RFX4: variants seen among roughly 807,000 people sequenced by gnomAD.
RFX4 encodes transcription factor RFX4.
RFX4 carries 10 observed loss-of-function variants against 95.0 expected under a neutral mutation model. The observed-to-expected ratio is 0.11, with a 90% CI of 0.06 to 0.18. RFX4 has a LOEUF of 0.18. Ranked by LOEUF, RFX4 falls within the 10% of genes least tolerant of loss-of-function variation. RFX4 has a pLI of 1.00. For synonymous variants in RFX4, 321 were observed against 340.7 expected (o/e 0.94, Z 0.64); for missense variants, 640 against 922.0 (o/e 0.69, Z 3.96).
Position 106,583,337 on chromosome 12 carries a change from T to G in RFX4, c.17T>G (p.Leu6Arg). Residue 6 changes from leucine (L) to arginine (R), a missense_variant, in exon 1 of 18, where the codon CTG (leucine) becomes CGG (arginine). By Grantham distance (102) the Leu-to-Arg change is moderately radical. Coordinates refer to ENST00000392842, the MANE Select transcript of RFX4 (RefSeq NM_213594.3). The stretch of plus-strand genomic sequence containing the variant: ...GGGAAGAGCATGCATTGTGGGTTAC[T>G]GGAGGAACCCGACATGGATTCCACA... MHCGL[L>R]EEPDMDSTES... 6.3e-7 allele frequency: 1 copy of G among 1,586,830 alleles called. No homozygotes were observed. Among genetic ancestry groups the G allele is most frequent in the Non-Finnish European group, 8.5e-7 (1 of 1,170,552 alleles).
At chr12:106,669,837 G>T (rs1438046872) in intron 4 of RFX4, among the ~76,000 whole-genome samples, 1 of 54,528 alleles carries the variant, frequency 1.8e-5, no homozygotes, top group Admixed American at 2.1e-4. Context: ...GTTTTTTCTA[G>T]GGGTGTGTGT....
intron 1 of RFX4, among the ~76,000 whole-genome samples, chr12:106,608,038 C>A (rs2039874330): frequency 1.3e-5 from 2 of 152,208 alleles, no homozygotes; most frequent in Non-Finnish European, 2.9e-5. Flanking sequence ...ACTAAAAATA[C>A]AAAAATTAGC....
At chr12:106,597,882 G>A (rs2039644787) in intron 1 of RFX4, among the ~76,000 whole-genome samples, 1 of 152,088 alleles carries the variant, frequency 6.6e-6, no homozygotes, top group South Asian at 2.1e-4. Flanking sequence ...GTTGGGATGG[G>A]GGTGCAAAAA....
At chr12:106,696,860 A>C (rs2041889713) in intron 8 of RFX4, among the ~76,000 whole-genome samples, 1 of 152,176 alleles carries the variant, frequency 6.6e-6, no homozygotes, top group Non-Finnish European at 1.5e-5. Context: ...CCTTGCTGTA[A>C]AACAAAACAA....
rs547859317 is a variant in RFX4, at chr12:106,709,028, T to C, written c.834-302T>C. ...GCCCACGGCCCACTGTCTTCACCCC[T>C]CACACAAGCTCTTCAAAAGCATGAA... On this transcript the variant is annotated intron_variant, in intron 8 of 17. Transcript: ENST00000392842. 2.0e-5 allele frequency among the ~76,000 whole-genome samples: 3 copies of C among 152,284 alleles called. No individual in the cohort carries two copies. In the South Asian group the frequency reaches 6.2e-4, roughly 32 times the overall value.
chr12:106,609,742 G>A (rs554001657), intron 2 of RFX4, among the ~76,000 whole-genome samples: 1 of 149,308 alleles, frequency 6.7e-6, no homozygotes. Flanking sequence ...GTTTGATGGG[G>A]TTTTTTTTTT....
chr12:106,735,058 A>G (rs551047365), intron 15 of RFX4, among the ~76,000 whole-genome samples: 57 of 151,698 alleles, frequency 3.8e-4, no homozygotes, highest in Middle Eastern at 3.4e-3. Context: ...AAAAAAAAAA[A>G]AAGAAGAAGA....
At chr12:106,689,208 T>G in intron 6 of RFX4, 79 bp from the exon 7 acceptor site, 1 of 1,236,458 alleles carries the variant, frequency 8.1e-7, no homozygotes, top group Non-Finnish European at 1.2e-6. Flanking sequence ...AGAAATGACT[T>G]AAAAACTGAA....
At chr12:106,708,172 A>G (rs987493738) in intron 8 of RFX4, among the ~76,000 whole-genome samples, 2 of 152,190 alleles carry the variant, frequency 1.3e-5, no homozygotes, top group Admixed American at 6.5e-5. Context: ...TAGAGAAGAA[A>G]AAGCTGAATA....
chr12:106,673,930 C>T (rs1051042956), intron 4 of RFX4, among the ~76,000 whole-genome samples: 4 of 152,200 alleles, frequency 2.6e-5, no homozygotes, highest in African/African-American at 9.7e-5. Flanking sequence ...CAGTTCTCCA[C>T]ACAGCAGCCA....
chr12:106,617,264 T>G (rs1468945005), intron 2 of RFX4, among the ~76,000 whole-genome samples: 1 of 152,212 alleles, frequency 6.6e-6, no homozygotes, highest in Non-Finnish European at 1.5e-5. Flanking sequence ...GCTCTTATTT[T>G]TCTTTCTTCC....
At chr12:106,641,189 C>T (rs1260362002) in intron 3 of RFX4, among the ~76,000 whole-genome samples, 1 of 152,184 alleles carries the variant, frequency 6.6e-6, no homozygotes, top group Non-Finnish European at 1.5e-5. Flanking sequence ...TTCTGGGATT[C>T]CAGGACATCT....
chr12:106,596,097 A>T (rs1352515517), intron 1 of RFX4, among the ~76,000 whole-genome samples: 2 of 152,120 alleles, frequency 1.3e-5, no homozygotes, highest in Non-Finnish European at 2.9e-5. Flanking sequence ...ACACACAAAG[A>T]CCACATAGGA....
chr12:106,627,269 G>A (rs945261285), intron 2 of RFX4, among the ~76,000 whole-genome samples: 4 of 152,142 alleles, frequency 2.6e-5, no homozygotes, highest in African/African-American at 9.7e-5. Flanking sequence ...CGGACACAGT[G>A]GCTCATGCCT....
intron 8 of RFX4, among the ~76,000 whole-genome samples, chr12:106,701,083 A>G (rs554649760): frequency 6.6e-5 from 10 of 152,238 alleles, no homozygotes; most frequent in Non-Finnish European, 1.0e-4. Flanking sequence ...AGTGGTAACA[A>G]ATTATTTGTT....
At chr12:106,600,457 ACTAAACT>A (rs2039684947) in intron 1 of RFX4, among the ~76,000 whole-genome samples, 1 of 151,880 alleles carries the variant, frequency 6.6e-6, no homozygotes, top group African/African-American at 2.4e-5. Flanking sequence ...AGTTGACCAC[ACTAAACT>A]CTAATCTTCC....
intron 2 of RFX4, among the ~76,000 whole-genome samples, chr12:106,618,929 T>G (rs2040126225): frequency 6.6e-6 from 1 of 152,194 alleles, no homozygotes; most frequent in African/African-American, 2.4e-5. Context: ...TATTAGGGAT[T>G]ACAATATGCA....
At chr12:106,698,517 A>G (rs2137457184) in intron 8 of RFX4, among the ~76,000 whole-genome samples, 1 of 152,312 alleles carries the variant, frequency 6.6e-6, no homozygotes. Flanking sequence ...TTTTTAAAAA[A>G]TATGTTGCTA....
At chr12:106,666,465 G>A (rs922959643) in intron 4 of RFX4, among the ~76,000 whole-genome samples, 1 of 151,806 alleles carries the variant, frequency 6.6e-6, no homozygotes, top group Admixed American at 6.6e-5. Flanking sequence ...ATTAATTTGA[G>A]GAAATTCTCA....
Sources: gnomAD v4.1 joint callset for allele counts (sites outside exome capture counted in the v4.1 genomes callset) on GRCh38, gnomAD v4.1.1 for gene constraint, MANE v1.5 for transcripts, NCBI Gene and HGNC (gene_info 2026-07-23, HGNC 2026-07-21) for gene names.